Variants in ROR2 observed in about 807,000 individuals in gnomAD.
ROR2 encodes the protein tyrosine-protein kinase transmembrane receptor ROR2.
A neutral mutation model predicts 74.9 loss-of-function variants in ROR2; 33 were observed. The ratio of observed to expected loss-of-function variants is 0.44; its 90% CI spans 0.33 to 0.59. The LOEUF is 0.59. ROR2 is among the 20% of genes least tolerant of loss of function. The pLI is 0.02. For synonymous variants in ROR2, 586 were observed against 558.7 expected (o/e 1.05, Z -0.69); for missense variants, 1,216 against 1,313.8 (o/e 0.93, Z 1.15).
intron 1 of ROR2, among the ~76,000 whole-genome samples, chr9:91,949,606 G>A (rs1832113389): frequency 1.3e-5 from 2 of 151,586 alleles, no homozygotes; most frequent in Non-Finnish European, 1.5e-5. Context: ...GCCACCGAGA[G>A]GCTCCCAGCC....
intron 1 of ROR2, among the ~76,000 whole-genome samples, chr9:91,930,962 C>T (rs10820921): frequency 0.18 from 27,469 of 152,064 alleles, 2,836 homozygotes; most frequent in Admixed American, 0.26. Context: ...TACATCATTG[C>T]CTTTCTTTTC....
chr9:91,937,714 T>G (rs1364639389), intron 1 of ROR2, among the ~76,000 whole-genome samples: 1 of 152,122 alleles, frequency 6.6e-6, no homozygotes, highest in Admixed American at 6.5e-5. Flanking sequence ...AAAAAGACCC[T>G]GAGTCTTTTT....
At chr9:91,898,043 G>T (rs1206126412) in intron 1 of ROR2, among the ~76,000 whole-genome samples, 1 of 152,018 alleles carries the variant, frequency 6.6e-6, no homozygotes, top group Non-Finnish European at 1.5e-5. Flanking sequence ...CACACACCCC[G>T]AGAACCCCTC....
rs1024819318 is a variant in ROR2 at position 91,836,952 on chromosome 9, T to A, written c.98-61134A>T. ...GTTTGCAGCTTTGGTCAATGGTATATACCATGTTTTTCTAGAGGAAAGAAA... is the reference window on the plus strand; with the variant it reads ...GTTTGCAGCTTTGGTCAATGGTATAAACCATGTTTTTCTAGAGGAAAGAAA... On this transcript the variant is annotated intron_variant, in intron 1 of 8. Transcript: ENST00000375708. Among the ~76,000 whole-genome samples the A allele has an allele frequency of 1.2e-4, 18 of 152,272 alleles. 1 individual carries two copies. The highest frequency in any genetic ancestry group is 9.2e-4 in the Admixed American group (14 of 15,288).
At chr9:91,833,135 A>G (rs922165879) in intron 1 of ROR2, among the ~76,000 whole-genome samples, 3 of 152,182 alleles carry the variant, frequency 2.0e-5, no homozygotes, top group Admixed American at 6.5e-5. Flanking sequence ...CCGAGTGGGC[A>G]AGAGGCATGG....
At chr9:91,741,304 G>GTAATAATCA (rs1554754460) in intron 4 of ROR2, among the ~76,000 whole-genome samples, 1 of 135,604 alleles carries the variant, frequency 7.4e-6, no homozygotes, top group African/African-American at 2.8e-5. Flanking sequence ...GTCTCAAGTA[G>GTAATAATCA]TAATAATAAT....
rs558509277 is a variant in ROR2 at position 91,824,951 on chromosome 9, G to A, written c.98-49133C>T. Among the ~76,000 whole-genome samples, 4 of 152,338 alleles carry A rather than the reference G, an allele frequency of 2.6e-5. No individual in the cohort carries two copies. In the South Asian group the frequency reaches 6.2e-4, roughly 24 times the overall value. ...CCCACAGGGCACCCCCGGCCCGCTGGCCCCAAGGAAATGAAAAGGAAGGGG... is the reference window on the plus strand; with the variant it reads ...CCCACAGGGCACCCCCGGCCCGCTGACCCCAAGGAAATGAAAAGGAAGGGG... On this transcript the variant is annotated intron_variant, in intron 1 of 8. Transcript: ENST00000375708.
At chr9:91,925,466 A>ATATG (rs1831372263) in intron 1 of ROR2, among the ~76,000 whole-genome samples, 1 of 144,510 alleles carries the variant, frequency 6.9e-6, no homozygotes, top group Non-Finnish European at 1.5e-5. Flanking sequence ...AGCTGCCTGT[A>ATATG]TGTGTGTGTG....
At chr9:91,791,820 T>A (rs570293840) in intron 1 of ROR2, among the ~76,000 whole-genome samples, 94 of 150,740 alleles carry the variant, frequency 6.2e-4, no homozygotes, top group African/African-American at 2.3e-3. Flanking sequence ...ATACTAGGCC[T>A]TTAATACATT....
intron 1 of ROR2, among the ~76,000 whole-genome samples, chr9:91,903,722 G>A (rs1013298513): frequency 3.9e-5 from 6 of 152,116 alleles, no homozygotes; most frequent in African/African-American, 1.4e-4. Context: ...CGACAACTCT[G>A]TAGACAAAGA....
chr9:91,882,204 G>A (rs1830131410), intron 1 of ROR2, among the ~76,000 whole-genome samples: 1 of 152,100 alleles, frequency 6.6e-6, no homozygotes, highest in Non-Finnish European at 1.5e-5. Flanking sequence ...GAGGTCAGGA[G>A]TTTGAGACAA....
chr9:91,749,895 A>C (rs1303467680), intron 4 of ROR2, among the ~76,000 whole-genome samples: 1 of 152,150 alleles, frequency 6.6e-6, no homozygotes, highest in African/African-American at 2.4e-5. Context: ...TAAAGCAAGA[A>C]AAACACATAT....
intron 1 of ROR2, among the ~76,000 whole-genome samples, chr9:91,866,417 CTTTTT>C (rs59024037): frequency 0.016 from 1,671 of 103,896 alleles, 30 homozygotes; most frequent in African/African-American, 0.061. Flanking sequence ...CACGCCCAGT[CTTTTT>C]TTTTTTTTTT....
At chr9:91,772,269 C>T (rs1360205504) in intron 2 of ROR2, among the ~76,000 whole-genome samples, 3 of 152,202 alleles carry the variant, frequency 2.0e-5, no homozygotes, top group African/African-American at 4.8e-5. Flanking sequence ...GATCCTGTCC[C>T]GCTAAGAGTG....
intron 1 of ROR2, among the ~76,000 whole-genome samples, chr9:91,813,902 A>C (rs1176806577): frequency 6.6e-6 from 1 of 152,160 alleles, no homozygotes; most frequent in Non-Finnish European, 1.5e-5. Context: ...AGAAAACTTA[A>C]AGGGGGCAGC....
chr9:91,788,482 A>G (rs1419424290), intron 1 of ROR2, among the ~76,000 whole-genome samples: 1 of 152,116 alleles, frequency 6.6e-6, no homozygotes, highest in Admixed American at 6.5e-5. Context: ...GATCTTCAAT[A>G]ATGTTAAAAG....
chr9:91,769,020 C>T (rs953435515), intron 2 of ROR2, among the ~76,000 whole-genome samples: 2 of 152,164 alleles, frequency 1.3e-5, no homozygotes, highest in African/African-American at 4.8e-5. Context: ...TGTTAGAAAA[C>T]GTCTTAGGGA....
chr9:91,779,368 CTTTTTTT>C (rs57414414), intron 1 of ROR2, among the ~76,000 whole-genome samples: 134 of 133,718 alleles, frequency 1.0e-3, no homozygotes, highest in African/African-American at 3.6e-3. Context: ...TTATACTTTT[CTTTTTTT>C]TTTTTTTTTT....
intron 1 of ROR2, among the ~76,000 whole-genome samples, chr9:91,885,577 T>C (rs75560678): frequency 0.022 from 3,400 of 152,240 alleles, 127 homozygotes; most frequent in African/African-American, 0.077. Context: ...AATGCCTGGG[T>C]GAGACCGAGA....
Sources: gnomAD v4.1 joint callset for allele counts (sites outside exome capture counted in the v4.1 genomes callset) on GRCh38, gnomAD v4.1.1 for gene constraint, MANE v1.5 for transcripts, NCBI Gene and HGNC (gene_info 2026-07-23, HGNC 2026-07-21) for gene names.